ROBO2: variants seen among roughly 807,000 people sequenced by gnomAD.
The protein encoded by ROBO2 is roundabout homolog 2.
ROBO2 carries 53 observed loss-of-function variants against 160.8 expected under a neutral mutation model. The observed-to-expected ratio is 0.33, with a 90% CI of 0.26 to 0.41. ROBO2 has a LOEUF of 0.41. ROBO2 is among the 10% of genes least tolerant of loss of function. The probability of loss-of-function intolerance (pLI) is 1.00; values close to 1 mark genes in which losing one functional copy is unlikely to be tolerated. For synonymous variants in ROBO2, 664 were observed against 611.7 expected (o/e 1.09, Z -1.26); for missense variants, 1,577 against 1,722.4 (o/e 0.92, Z 1.49).
At chr3:77,614,751 AAC>A (rs200211754) in intron 21 of ROBO2, among the ~76,000 whole-genome samples, 5,355 of 151,814 alleles carry the variant, frequency 0.035, 156 homozygotes, top group African/African-American at 0.081. Context: ...CCAACCAACC[AAC>A]CAAACAAACA....
At chr3:77,240,378 C>A (rs898929240) in intron 2 of ROBO2, among the ~76,000 whole-genome samples, 2 of 152,276 alleles carry the variant, frequency 1.3e-5, no homozygotes, top group African/African-American at 4.8e-5. Context: ...TCGCCCGCTC[C>A]GAGTGGGCCC....
chr3:76,278,332 T>C (rs2107659450), intron 2 of ROBO2, among the ~76,000 whole-genome samples: 1 of 152,136 alleles, frequency 6.6e-6, no homozygotes, highest in East Asian at 1.9e-4. Context: ...ATACCTTGAA[T>C]AATTGCAGAG....
At chr3:76,414,652 A>G (rs2075668176) in intron 2 of ROBO2, among the ~76,000 whole-genome samples, 1 of 149,154 alleles carries the variant, frequency 6.7e-6, no homozygotes, top group Non-Finnish European at 1.5e-5. Flanking sequence ...GCATTGGGAG[A>G]TATACCTAAT....
intron 2 of ROBO2, among the ~76,000 whole-genome samples, chr3:76,185,689 A>G (rs1701729145): frequency 6.6e-6 from 1 of 152,114 alleles, no homozygotes; most frequent in South Asian, 2.1e-4. Flanking sequence ...TAACATTATA[A>G]TGCACAATTT....
At chr3:76,354,401 A>ATCTT (rs2075042640) in intron 2 of ROBO2, among the ~76,000 whole-genome samples, 1 of 151,892 alleles carries the variant, frequency 6.6e-6, no homozygotes, top group Non-Finnish European at 1.5e-5. Context: ...TCCTTAACAA[A>ATCTT]ATAAATCTCT....
chr3:77,287,028 G>A (rs978681576), intron 2 of ROBO2, among the ~76,000 whole-genome samples: 1 of 152,172 alleles, frequency 6.6e-6, no homozygotes, highest in African/African-American at 2.4e-5. Flanking sequence ...TAGAAAAGAA[G>A]GCTCTCTTTG....
At chr3:77,082,752 A>G (rs1320479986) in intron 1 of ROBO2, among the ~76,000 whole-genome samples, 1 of 151,882 alleles carries the variant, frequency 6.6e-6, no homozygotes, top group Non-Finnish European at 1.5e-5. Flanking sequence ...TGTACACTCT[A>G]GTATGTACAA....
chr3:76,008,432 C>T (rs915867947), intron 2 of ROBO2, among the ~76,000 whole-genome samples: 3 of 152,052 alleles, frequency 2.0e-5, no homozygotes, highest in Non-Finnish European at 4.4e-5. Flanking sequence ...TAAGTATTAG[C>T]AGTGTCGATG....
intron 2 of ROBO2, among the ~76,000 whole-genome samples, chr3:76,996,562 T>C (rs1235031246): frequency 6.6e-6 from 1 of 152,190 alleles, no homozygotes; most frequent in East Asian, 1.9e-4. Context: ...ATTTTCATGG[T>C]ATTGATTCTT....
intron 1 of ROBO2, among the ~76,000 whole-genome samples, chr3:75,935,022 A>G (rs1188831898): frequency 6.6e-6 from 1 of 152,188 alleles, no homozygotes; most frequent in African/African-American, 2.4e-5. Flanking sequence ...AAGTTCTGCA[A>G]GTAGAAATTA....
intron 2 of ROBO2, among the ~76,000 whole-genome samples, chr3:76,838,113 C>T (rs2067880170): frequency 1.3e-5 from 2 of 152,012 alleles, no homozygotes; most frequent in African/African-American, 4.8e-5. Context: ...GGCTATTATC[C>T]TCACCAAACT....
rs532102820 is a variant in ROBO2 at position 77,048,586 on chromosome 3, T to C, written c.61+7740T>C. 1.4e-4 allele frequency among the ~76,000 whole-genome samples: 21 copies of C among 152,364 alleles called. No homozygotes were observed. In the South Asian group the frequency reaches 4.1e-3, roughly 30 times the overall value. On this transcript the variant is annotated intron_variant, in intron 1 of 25. Transcript: ENST00000461745. ...TATAACGTACTGTGGAGATAAATCT[T>C]GTGTAAGACAAACTAAATAAACACT...
At chr3:76,993,861 AT>A (rs1291269431) in intron 2 of ROBO2, among the ~76,000 whole-genome samples, 4 of 151,242 alleles carry the variant, frequency 2.6e-5, no homozygotes, top group African/African-American at 7.3e-5. Context: ...AGTACTATAT[AT>A]TTTTTTAACT....
chr3:77,185,808 T>C lies in ROBO2; in HGVS notation c.388+87468T>C, dbSNP rs571313402. 2.6e-4 allele frequency among the ~76,000 whole-genome samples: 40 copies of C among 151,640 alleles called. No homozygotes were observed. In the East Asian group the frequency reaches 5.8e-3, roughly 22 times the overall value. Reference sequence around the variant, plus strand: ...GAATAAATAAACTGTGATACACACATATATATATATGTATATATATGATGG... The same window carrying C: ...GAATAAATAAACTGTGATACACACACATATATATATGTATATATATGATGG... On this transcript the variant is annotated intron_variant, in intron 2 of 25. Coordinates refer to ENST00000461745, the Ensembl canonical transcript of ROBO2.
At chr3:76,330,893 A>G (rs542079722) in intron 2 of ROBO2, among the ~76,000 whole-genome samples, 1 of 152,316 alleles carries the variant, frequency 6.6e-6, no homozygotes, top group African/African-American at 2.4e-5. Context: ...ATGGTTTACT[A>G]CCTAGCACAG....
At chr3:75,928,260 A>C (rs924949215) in intron 1 of ROBO2, among the ~76,000 whole-genome samples, 1 of 152,206 alleles carries the variant, frequency 6.6e-6, no homozygotes, top group Non-Finnish European at 1.5e-5. Flanking sequence ...CTGGGATTAC[A>C]GGCGTGAGCC....
intron 2 of ROBO2, among the ~76,000 whole-genome samples, chr3:77,230,776 A>G (rs2087074720): frequency 6.6e-6 from 1 of 152,222 alleles, no homozygotes; most frequent in Non-Finnish European, 1.5e-5. Context: ...GACATTGAAC[A>G]CTTGATGGTA....
At chr3:77,180,408 CTCTCTCTCTATA>C (rs1245308139) in intron 2 of ROBO2, among the ~76,000 whole-genome samples, 2 of 101,586 alleles carry the variant, frequency 2.0e-5, no homozygotes, top group East Asian at 2.4e-4. Flanking sequence ...CTCTCTCTCT[CTCTCTCTCTATA>C]TATATATATA....
chr3:76,223,775 C>T (rs1284607382), intron 2 of ROBO2, among the ~76,000 whole-genome samples: 1 of 152,190 alleles, frequency 6.6e-6, no homozygotes, highest in African/African-American at 2.4e-5. Context: ...AGCCCTTGAT[C>T]TGGGATTTAG....
Sources: gnomAD v4.1 joint callset for allele counts (sites outside exome capture counted in the v4.1 genomes callset) on GRCh38, gnomAD v4.1.1 for gene constraint, MANE v1.5 for transcripts, NCBI Gene and HGNC (gene_info 2026-07-23, HGNC 2026-07-21) for gene names.